Variants in DOCK1 observed in about 807,000 individuals in gnomAD.
The protein encoded by DOCK1 is dedicator of cytokinesis protein 1.
DOCK1 carries 138 observed loss-of-function variants against 262.7 expected under a neutral mutation model. The ratio of observed to expected loss-of-function variants is 0.53; its 90% CI spans 0.46 to 0.61. The LOEUF (loss-of-function observed/expected upper bound fraction) is 0.61, where lower values mean the gene tolerates loss of function less well. Among genes scored for constraint, DOCK1 ranks in the 20% least tolerant of loss-of-function variants. The probability of loss-of-function intolerance (pLI) is 0.00; values close to 1 mark genes in which losing one functional copy is unlikely to be tolerated. For synonymous variants in DOCK1, 866 were observed against 867.4 expected (o/e 1.00, Z 0.03); for missense variants, 1,908 against 2,370.7 (o/e 0.80, Z 4.05).
intron 28 of DOCK1, 138 bp downstream of exon 28, chr10:127,248,247 G>A: frequency 1.2e-6 from 1 of 803,550 alleles, no homozygotes; most frequent in South Asian, 1.8e-5. Flanking sequence ...ATGCCTCCTG[G>A]GAAGGTCTGA....
At chr10:127,136,717 C>T (rs2050732432) in intron 27 of DOCK1, 1 of 152,632 alleles carries the variant, frequency 6.6e-6, no homozygotes, top group African/African-American at 2.4e-5. Context: ...TGATTCACAG[C>T]TTTCCCCTAA....
intron 23 of DOCK1, 131 bp downstream of exon 23, chr10:127,061,907 C>CA (rs1245639137): frequency 1.4e-5 from 5 of 348,462 alleles, no homozygotes; most frequent in Admixed American, 5.0e-5. Flanking sequence ...TCAGAGATCT[C>CA]AATTTGATTT....
At chr10:126,912,253 AC>A (rs1318773504) in intron 1 of DOCK1, among the ~76,000 whole-genome samples, 1 of 151,936 alleles carries the variant, frequency 6.6e-6, no homozygotes, top group Non-Finnish European at 1.5e-5. Flanking sequence ...ATATGGTGAA[AC>A]CCCATCTCTA....
At chr10:126,926,127 G>A (rs1373322315) in intron 1 of DOCK1, among the ~76,000 whole-genome samples, 1 of 152,110 alleles carries the variant, frequency 6.6e-6, no homozygotes. Flanking sequence ...AAAATGTTCA[G>A]CATCGTGCCC....
At position 126,990,483 on chromosome 10, in the gene DOCK1, T is replaced by C; in HGVS notation, c.353T>C (p.Val118Ala). The C allele has an allele frequency of 6.2e-7, 1 of 1,612,758 alleles. No homozygotes were observed. The highest frequency in any genetic ancestry group is 1.1e-5 in the South Asian group (1 of 90,660). ...GATAACAGGGAGATGTTTCGAAGTGTGCGGCACATGATCTATGACCTTATT... is the reference window on the plus strand; with the variant it reads ...GATAACAGGGAGATGTTTCGAAGTGCGCGGCACATGATCTATGACCTTATT... ...VQDNREMFRS[V>A]RHMIYDLIEW... The change falls in exon 6 of 52, where the codon GTG (valine) becomes GCG (alanine). Residue 118 changes from valine (V) to alanine (A), a missense_variant. Physicochemically the swap from Val to Ala is moderately conservative, Grantham distance 64. Around this residue, in one of 9 missense-constraint regions of DOCK1, gnomAD observed 227 missense variants for 254.1 expected, o/e 0.89. Coordinates refer to ENST00000623213, the MANE Select transcript of DOCK1 (RefSeq NM_001290223.2).
intron 23 of DOCK1, among the ~76,000 whole-genome samples, chr10:127,081,878 G>A (rs533859251): frequency 6.6e-5 from 10 of 152,128 alleles, no homozygotes; most frequent in South Asian, 4.2e-4. Flanking sequence ...ATGTCCTCTC[G>A]TCACCACCGT....
intron 51 of DOCK1, among the ~76,000 whole-genome samples, chr10:127,450,410 TG>T (rs1270031958): frequency 2.0e-5 from 3 of 152,274 alleles, no homozygotes; most frequent in South Asian, 2.1e-4. Flanking sequence ...CTGGTTCTTC[TG>T]CCTGTGGCAT....
intron 27 of DOCK1, 89 bp downstream of exon 27, chr10:127,127,853 G>A: frequency 2.8e-6 from 3 of 1,084,936 alleles, no homozygotes; most frequent in Non-Finnish European, 4.1e-6. Context: ...TTATTATACT[G>A]CAATGTAGTG....
rs961175547 is a variant in DOCK1, at chr10:127,012,827, G to A, written c.1201+453G>A. Among the ~76,000 whole-genome samples the A allele has an allele frequency of 6.6e-6, 1 of 152,172 alleles. No individual in the cohort carries two copies. The highest frequency in any genetic ancestry group is 1.5e-5 in the Non-Finnish European group (1 of 68,038). On this transcript the variant is annotated intron_variant, in intron 12 of 51. Coordinates refer to ENST00000623213, the MANE Select transcript of DOCK1 (RefSeq NM_001290223.2). This position sits in a 1 kb window ranked among gnomAD's most constrained non-coding sequence, Gnocchi z 4.0. ...ACTGTTTTTAATCCTGCACTGACAC[G>A]TTTCTGAGCAGCTGACCTGCTGCTG...
chr10:127,027,795 G>A (rs1233695163), intron 16 of DOCK1, among the ~76,000 whole-genome samples: 1 of 151,940 alleles, frequency 6.6e-6, no homozygotes, highest in East Asian at 1.9e-4. Context: ...GGGTGGGTGT[G>A]CCTGGACAGG....
chr10:126,915,433 G>T (rs7084926), intron 1 of DOCK1, among the ~76,000 whole-genome samples: 10 of 149,028 alleles, frequency 6.7e-5, no homozygotes, highest in East Asian at 1.9e-4. Flanking sequence ...TTGGGGGCGG[G>T]GGGGGGATGG....
At chr10:127,110,566 C>T (rs139177546) in intron 25 of DOCK1, among the ~76,000 whole-genome samples, 35 of 152,220 alleles carry the variant, frequency 2.3e-4, no homozygotes, top group Middle Eastern at 3.4e-3. Flanking sequence ...GGCAAAAGCT[C>T]GTAGTTTGTA....
Position 127,290,170 on chromosome 10 carries a change from G to A in DOCK1, c.3044+32741G>A, listed in dbSNP as rs78783087. ...GAAGTCAGTCTTGTTTTATGATCAC[G>A]TCCTGGTTTCTGGTATGCCTGGATT... On this transcript the variant is annotated intron_variant, in intron 29 of 51. Coordinates refer to ENST00000623213, the MANE Select transcript of DOCK1 (RefSeq NM_001290223.2). Among the ~76,000 whole-genome samples, 994 of 151,946 alleles carry A rather than the reference G, an allele frequency of 6.5e-3. 9 individuals are homozygous for A. The highest frequency in any genetic ancestry group is 0.01 in the Non-Finnish European group (712 of 67,952).
At chr10:127,301,633 A>G (rs1056990686) in intron 29 of DOCK1, among the ~76,000 whole-genome samples, 11 of 152,152 alleles carry the variant, frequency 7.2e-5, no homozygotes, top group Non-Finnish European at 1.0e-4. Context: ...CCAGCCATTT[A>G]AAGATCCCTG....
intron 23 of DOCK1, among the ~76,000 whole-genome samples, chr10:127,065,958 C>A (rs375393591): frequency 6.8e-4 from 104 of 152,158 alleles, no homozygotes; most frequent in Middle Eastern, 6.8e-3. Context: ...CAGTGCTGAC[C>A]GTCCCCCTCC....
intron 27 of DOCK1, among the ~76,000 whole-genome samples, chr10:127,151,774 G>T (rs893727609): frequency 1.3e-5 from 2 of 152,184 alleles, no homozygotes; most frequent in Non-Finnish European, 2.9e-5. Flanking sequence ...TTCCTGTGGT[G>T]CTTGGTCACT....
At chr10:127,367,394 C>A (rs1328538968) in intron 33 of DOCK1, among the ~76,000 whole-genome samples, 2 of 152,206 alleles carry the variant, frequency 1.3e-5, no homozygotes, top group South Asian at 2.1e-4. Context: ...CTCTTGGTGG[C>A]GGGATGGGGT....
At chr10:127,404,978 C>T (rs912829878) in intron 40 of DOCK1, among the ~76,000 whole-genome samples, 7 of 152,166 alleles carry the variant, frequency 4.6e-5, no homozygotes, top group African/African-American at 1.4e-4. Context: ...TTGTTTCACT[C>T]GGCCGAATGT....
At chr10:127,333,048 C>T (rs1313073259) in intron 29 of DOCK1, among the ~76,000 whole-genome samples, 4 of 150,372 alleles carry the variant, frequency 2.7e-5, no homozygotes, top group African/African-American at 1.0e-4. Flanking sequence ...TTGCTAGACT[C>T]ATTTTTCTGC....
Sources: gnomAD v4.1 joint callset for allele counts (sites outside exome capture counted in the v4.1 genomes callset) on GRCh38, gnomAD v4.1.1 for gene constraint, gnomAD v4.1.1 regional missense constraint, Gnocchi (gnomAD v3.1) non-coding constraint, MANE v1.5 for transcripts, NCBI Gene and HGNC (gene_info 2026-07-23, HGNC 2026-07-21) for gene names.